Variants in MCTP2 observed in about 807,000 individuals in gnomAD.
MCTP2 encodes the protein multiple C2 and transmembrane domain containing 2.
Under a neutral mutation model 111.6 loss-of-function variants are expected in MCTP2, and 132 were observed. That is an observed-to-expected ratio of 1.18 (90% confidence interval 1.03 to 1.37). MCTP2 has a LOEUF of 1.37. Ranked by LOEUF, MCTP2 falls within the 40% of genes most tolerant of loss-of-function variation. MCTP2 has a pLI of 0.00. For synonymous variants in MCTP2, 395 were observed against 387.7 expected, an observed-to-expected ratio of 1.02 and a Z score of -0.22; for missense variants, 1,183 against 1,067.9, an observed-to-expected ratio of 1.11 and a Z score of -1.50.
intron 1 of MCTP2, among the ~76,000 whole-genome samples, chr15:94,276,046 G>C (rs180949208): frequency 6.6e-6 from 1 of 151,780 alleles, no homozygotes; most frequent in Non-Finnish European, 1.5e-5. Context: ...GGATTTCACC[G>C]TGTTAGCCAG....
At chr15:94,296,100 G>A (rs2075264033) in intron 1 of MCTP2, among the ~76,000 whole-genome samples, 1 of 152,086 alleles carries the variant, frequency 6.6e-6, no homozygotes, top group African/African-American at 2.4e-5. Flanking sequence ...GTATTAGCTG[G>A]TTTGACACTT....
At chr15:94,429,510 A>C (rs1483519038) in intron 17 of MCTP2, among the ~76,000 whole-genome samples, 1 of 152,168 alleles carries the variant, frequency 6.6e-6, no homozygotes, top group African/African-American at 2.4e-5. Context: ...TCTTACTTAT[A>C]AATATATTGT....
intron 8 of MCTP2, among the ~76,000 whole-genome samples, chr15:94,348,071 A>G (rs895406791): frequency 6.6e-6 from 1 of 152,232 alleles, no homozygotes; most frequent in South Asian, 2.1e-4. Context: ...ACCCTCTGTT[A>G]TATGTATTAA....
At chr15:94,448,036 G>A (rs555579745) in intron 19 of MCTP2, among the ~76,000 whole-genome samples, 1 of 152,290 alleles carries the variant, frequency 6.6e-6, no homozygotes. Context: ...GCCTTTTATA[G>A]TGAAGTGGAT....
chr15:94,272,364 T>A (rs555367434), intron 1 of MCTP2, among the ~76,000 whole-genome samples: 1 of 152,154 alleles, frequency 6.6e-6, no homozygotes, highest in Admixed American at 6.5e-5. Flanking sequence ...TAATTACTGA[T>A]TGAACACTGT....
At chr15:94,250,828 T>G (rs2072363666) in intron 1 of MCTP2, among the ~76,000 whole-genome samples, 1 of 152,182 alleles carries the variant, frequency 6.6e-6, no homozygotes. Flanking sequence ...ATTTATCTGC[T>G]CTGGGAAAAA....
chr15:94,346,036 C>T (rs747445684), intron 8 of MCTP2, among the ~76,000 whole-genome samples: 10 of 152,012 alleles, frequency 6.6e-5, no homozygotes, highest in Non-Finnish European at 1.5e-4. Flanking sequence ...TCTAATGTCA[C>T]TGTACCTCAG....
At chr15:94,363,924 G>A (rs1321724181) in intron 10 of MCTP2, among the ~76,000 whole-genome samples, 2 of 152,158 alleles carry the variant, frequency 1.3e-5, no homozygotes, top group South Asian at 2.1e-4. Context: ...TGCCCTGCGT[G>A]TGTGTTTTCC....
At chr15:94,319,803 G>A (rs1420779679) in intron 4 of MCTP2, among the ~76,000 whole-genome samples, 4 of 152,124 alleles carry the variant, frequency 2.6e-5, no homozygotes, top group Non-Finnish European at 4.4e-5. Flanking sequence ...ATTAAAACAG[G>A]TTTAAGAAAC....
intron 15 of MCTP2, among the ~76,000 whole-genome samples, 153 bp downstream of exon 15, chr15:94,399,215 A>G (rs1261147104): frequency 6.6e-6 from 1 of 152,212 alleles, no homozygotes; most frequent in African/African-American, 2.4e-5. Flanking sequence ...TTTTATAAGC[A>G]GGTTACCCTC....
At chr15:94,258,891 A>G (rs1461268835) in intron 1 of MCTP2, among the ~76,000 whole-genome samples, 1 of 152,218 alleles carries the variant, frequency 6.6e-6, no homozygotes, top group Non-Finnish European at 1.5e-5. Flanking sequence ...CATACGCCCT[A>G]TCAAGCAGGT....
intron 1 of MCTP2, among the ~76,000 whole-genome samples, chr15:94,244,222 GTA>G (rs1303120423): frequency 1.5e-5 from 2 of 135,272 alleles, no homozygotes; most frequent in African/African-American, 2.8e-5. Flanking sequence ...ATACATATGT[GTA>G]TATATTTATA....
At chr15:94,328,436 G>C (rs2076989148) in intron 4 of MCTP2, among the ~76,000 whole-genome samples, 1 of 152,090 alleles carries the variant, frequency 6.6e-6, no homozygotes, top group Non-Finnish European at 1.5e-5. Context: ...CCTATCAAGT[G>C]TTTATTTCTA....
intron 1 of MCTP2, among the ~76,000 whole-genome samples, chr15:94,279,461 T>A (rs1001743817): frequency 5.9e-5 from 9 of 152,146 alleles, no homozygotes; most frequent in Non-Finnish European, 1.3e-4. Context: ...TTTTTTTTAC[T>A]TGATTTTGTA....
intron 19 of MCTP2, among the ~76,000 whole-genome samples, chr15:94,452,870 T>C (rs1209436506): frequency 6.6e-6 from 1 of 152,258 alleles, no homozygotes; most frequent in Non-Finnish European, 1.5e-5. Context: ...TAAAGATACC[T>C]GAGCTCAGAT....
chr15:94,237,222 G>A (rs567173920), intron 1 of MCTP2, among the ~76,000 whole-genome samples: 3 of 152,278 alleles, frequency 2.0e-5, no homozygotes, highest in Admixed American at 2.0e-4. Context: ...TTGAATAATT[G>A]ACTAAATATC....
chr15:94,338,239 A>G (rs1373021935), intron 4 of MCTP2, among the ~76,000 whole-genome samples: 3 of 151,686 alleles, frequency 2.0e-5, no homozygotes, highest in African/African-American at 7.3e-5. Flanking sequence ...TGGTCTTTGT[A>G]TGCTTATTCA....
intron 1 of MCTP2, among the ~76,000 whole-genome samples, chr15:94,276,444 C>T (rs1421231460): frequency 6.6e-6 from 1 of 152,032 alleles, no homozygotes; most frequent in African/African-American, 2.4e-5. Context: ...CCTTTATGCA[C>T]AGGCAATTTT....
At chr15:94,245,661 A>C (rs1267783403) in intron 1 of MCTP2, among the ~76,000 whole-genome samples, 3 of 145,892 alleles carry the variant, frequency 2.1e-5, no homozygotes, top group Non-Finnish European at 4.5e-5. Context: ...TGTATATGTA[A>C]ATGTGTATAT....
Sources: gnomAD v4.1 joint callset for allele counts (sites outside exome capture counted in the v4.1 genomes callset) on GRCh38, gnomAD v4.1.1 for gene constraint, MANE v1.5 for transcripts, NCBI Gene and HGNC (gene_info 2026-07-23, HGNC 2026-07-21) for gene names.